The following RBFOX1 variants were observed in gnomAD, a reference collection of about 807,000 sequenced individuals.
RBFOX1 encodes RNA binding protein fox-1 homolog 1.
Under a neutral mutation model 57.7 loss-of-function variants are expected in RBFOX1, and 8 were observed. That is an observed-to-expected ratio of 0.14 (90% confidence interval 0.08 to 0.25). RBFOX1 has a LOEUF of 0.25. Among genes scored for constraint, RBFOX1 ranks in the 10% least tolerant of loss-of-function variants. RBFOX1 has a pLI of 1.00. For synonymous variants in RBFOX1, 326 were observed against 222.4 expected, an observed-to-expected ratio of 1.47 and a Z score of -4.15; for missense variants, 611 against 548.5, an observed-to-expected ratio of 1.11 and a Z score of -1.14.
At chr16:6,795,381 GA>G (rs1440394752) in intron 3 of RBFOX1, among the ~76,000 whole-genome samples, 1 of 151,832 alleles carries the variant, frequency 6.6e-6, no homozygotes, top group Non-Finnish European at 1.5e-5. Flanking sequence ...AAAATAAGAA[GA>G]AAAAAAATCA....
chr16:6,670,852 T>G (rs530892133), intron 3 of RBFOX1, among the ~76,000 whole-genome samples: 5 of 151,668 alleles, frequency 3.3e-5, no homozygotes, highest in Non-Finnish European at 7.4e-5. Flanking sequence ...AAAAAAAAAT[T>G]AGCCGGGCAT....
At chr16:6,491,072 G>C (rs1193289368) in intron 2 of RBFOX1, among the ~76,000 whole-genome samples, 1 of 151,964 alleles carries the variant, frequency 6.6e-6, no homozygotes, top group Non-Finnish European at 1.5e-5. Flanking sequence ...CTATCTATTA[G>C]TATGCAGTAC....
intron 3 of RBFOX1, among the ~76,000 whole-genome samples, chr16:6,858,287 CCT>C (rs1249421329): frequency 6.6e-6 from 1 of 152,118 alleles, no homozygotes; most frequent in Non-Finnish European, 1.5e-5. Flanking sequence ...AGAGGTCTTC[CCT>C]CTCTGTGTTG....
intron 3 of RBFOX1, among the ~76,000 whole-genome samples, chr16:6,883,872 A>C (rs1352629338): frequency 1.3e-5 from 2 of 151,928 alleles, no homozygotes; most frequent in Admixed American, 6.6e-5. Context: ...CCAAAATGTT[A>C]AATGTTTTTA....
intron 2 of RBFOX1, among the ~76,000 whole-genome samples, chr16:6,601,590 A>T (rs537551724): frequency 1.3e-5 from 2 of 152,258 alleles, no homozygotes; most frequent in African/African-American, 4.8e-5. Flanking sequence ...TAAAAGGACC[A>T]CTGTTCCTCC....
In RBFOX1 at chr16:6,882,736, C is replaced by A. The variant is rs187726569; in HGVS notation, c.-15-169321C>A. Among the ~76,000 whole-genome samples the A allele has an allele frequency of 7.6e-4, 115 of 152,170 alleles. 1 individual carries two copies. The East Asian group carries it at 0.017, about 22-fold the overall frequency. On this transcript the variant is annotated intron_variant, in intron 3 of 15. Coordinates refer to ENST00000550418, the MANE Select transcript of RBFOX1 (RefSeq NM_018723.4). ...TGGAGTCTGACATAACCAACGGCAA[C>A]CAAAGAGACGAGTTCCTTACCAAGC...
intron 1 of RBFOX1, among the ~76,000 whole-genome samples, chr16:6,051,917 C>G (rs1446719663): frequency 6.6e-6 from 1 of 152,040 alleles, no homozygotes; most frequent in Non-Finnish European, 1.5e-5. Context: ...TTTGATTTTT[C>G]TTTCCAGTTC....
chr16:6,870,041 C>T (rs747568753), intron 3 of RBFOX1, among the ~76,000 whole-genome samples: 5 of 152,038 alleles, frequency 3.3e-5, no homozygotes, highest in Non-Finnish European at 7.4e-5. Context: ...TCTCAGCTGG[C>T]CCTACGAGTT....
intron 4 of RBFOX1, among the ~76,000 whole-genome samples, chr16:7,512,219 A>G (rs567631605): frequency 7.2e-5 from 11 of 152,328 alleles, no homozygotes; most frequent in Middle Eastern, 3.4e-3. Flanking sequence ...CCCTACATGA[A>G]GTTGGCTTCA....
intron 1 of RBFOX1, among the ~76,000 whole-genome samples, chr16:6,256,502 A>G (rs567702058): frequency 6.6e-6 from 1 of 151,420 alleles, no homozygotes; most frequent in Non-Finnish European, 1.5e-5. Context: ...ACCAGATTGT[A>G]TGGATTTGGA....
At chr16:5,969,557 C>A (rs1306249581) in intron 4 of RBFOX1, among the ~76,000 whole-genome samples, 1 of 148,880 alleles carries the variant, frequency 6.7e-6, no homozygotes, top group Non-Finnish European at 1.5e-5. Context: ...CTGCTGATCT[C>A]ATGATCCGCC....
At chr16:7,098,765 C>A (rs1013494128) in intron 4 of RBFOX1, among the ~76,000 whole-genome samples, 3 of 152,052 alleles carry the variant, frequency 2.0e-5, no homozygotes, top group African/African-American at 7.2e-5. Flanking sequence ...GCCTGGGCAA[C>A]ATAGTGAGAC....
At chr16:6,697,296 T>C (rs1030603100) in intron 3 of RBFOX1, among the ~76,000 whole-genome samples, 1 of 152,156 alleles carries the variant, frequency 6.6e-6, no homozygotes, top group Admixed American at 6.5e-5. Flanking sequence ...ACTGTAGTCA[T>C]GGTACTTGAC....
intron 11 of RBFOX1, among the ~76,000 whole-genome samples, chr16:7,641,965 C>G (rs1037357809): frequency 2.0e-5 from 3 of 152,172 alleles, no homozygotes; most frequent in African/African-American, 7.2e-5. Context: ...TTAAAGTCCA[C>G]CAAACCAGAT....
At chr16:6,331,785 GT>G (rs1309932087) in intron 2 of RBFOX1, among the ~76,000 whole-genome samples, 1 of 147,972 alleles carries the variant, frequency 6.8e-6, no homozygotes, top group African/African-American at 2.5e-5. Flanking sequence ...AAAAAAAATT[GT>G]ATTTATTTGT....
chr16:5,351,294 G>A (rs1011096378), intron 1 of RBFOX1, among the ~76,000 whole-genome samples: 4 of 152,202 alleles, frequency 2.6e-5, no homozygotes, highest in Non-Finnish European at 5.9e-5. Flanking sequence ...CCAGGGCTTT[G>A]ACATACATGA....
intron 14 of RBFOX1, among the ~76,000 whole-genome samples, chr16:7,686,016 C>T (rs573326025): frequency 2.0e-5 from 3 of 151,936 alleles, no homozygotes; most frequent in African/African-American, 7.2e-5. Flanking sequence ...CCTCAACTGC[C>T]TCATCTATAA....
intron 3 of RBFOX1, among the ~76,000 whole-genome samples, chr16:6,852,955 T>A (rs1374228466): frequency 6.6e-6 from 1 of 152,186 alleles, no homozygotes; most frequent in African/African-American, 2.4e-5. Flanking sequence ...ACTGTGTTGA[T>A]GACATCAAGA....
At chr16:6,381,042 G>A (rs2091758245) in intron 2 of RBFOX1, among the ~76,000 whole-genome samples, 1 of 152,204 alleles carries the variant, frequency 6.6e-6, no homozygotes, top group South Asian at 2.1e-4. Context: ...TTAGGGGGCA[G>A]GTCAGAGAGG....
Sources: allele counts gnomAD v4.1 joint callset (sites outside exome capture counted in the v4.1 genomes callset), GRCh38; gene constraint gnomAD v4.1.1; transcripts MANE v1.5; gene names NCBI Gene and HGNC (gene_info 2026-07-23, HGNC 2026-07-21).